The following MACROD2 variants were observed in gnomAD, a reference collection of about 807,000 sequenced individuals.
The protein encoded by MACROD2 is ADP-ribose glycohydrolase MACROD2.
Under a neutral mutation model 70.4 loss-of-function variants are expected in MACROD2, and 36 were observed. That is an observed-to-expected ratio of 0.51 (90% confidence interval 0.39 to 0.68). The LOEUF is 0.68. Among genes scored for constraint, MACROD2 ranks in the 30% least tolerant of loss-of-function variants. MACROD2 has a pLI of 0.00. For synonymous variants in MACROD2, 172 were observed against 178.8 expected (o/e 0.96, Z 0.30); for missense variants, 496 against 538.4 (o/e 0.92, Z 0.78).
rs1055073671 is a variant in MACROD2, at chr20:15,161,555, C to A, written c.419-68385C>A. On this transcript the variant is annotated intron_variant, in intron 5 of 17. Transcript: ENST00000684519. ...TCTAAGTGGGCTACTAGTAAATATA[C>A]AAAGAAGCTGTAATAAGCATATGGC... 2.6e-5 allele frequency among the ~76,000 whole-genome samples: 4 copies of A among 151,782 alleles called. No individual in the cohort carries two copies. The East Asian group carries it at 7.7e-4, about 29-fold the overall frequency.
chr20:15,721,605 T>C (rs2050788452), intron 8 of MACROD2, among the ~76,000 whole-genome samples: 1 of 152,206 alleles, frequency 6.6e-6, no homozygotes, highest in African/African-American at 2.4e-5. Context: ...TTTTCCTAAG[T>C]TAATGTAAAT....
intron 2 of MACROD2, among the ~76,000 whole-genome samples, chr20:14,010,728 C>T (rs1271727508): frequency 6.6e-6 from 1 of 151,964 alleles, no homozygotes; most frequent in Non-Finnish European, 1.5e-5. Context: ...CTGTTAATTC[C>T]TCTGGTGACC....
chr20:14,092,606 C>G (rs1040824760), intron 3 of MACROD2, among the ~76,000 whole-genome samples: 1 of 152,070 alleles, frequency 6.6e-6, no homozygotes, highest in Non-Finnish European at 1.5e-5. Context: ...GTATTATGCT[C>G]ATAGTACTAA....
At chr20:14,851,490 G>T (rs1033559975) in intron 5 of MACROD2, among the ~76,000 whole-genome samples, 1 of 152,128 alleles carries the variant, frequency 6.6e-6, no homozygotes, top group Non-Finnish European at 1.5e-5. Context: ...TGGTTTCCAT[G>T]GAGAGAGAAA....
intron 8 of MACROD2, among the ~76,000 whole-genome samples, chr20:15,844,377 C>T (rs571440814): frequency 6.6e-6 from 1 of 152,168 alleles, no homozygotes; most frequent in Non-Finnish European, 1.5e-5. Context: ...CCCCTGGGTC[C>T]CGGTAACTGC....
intron 5 of MACROD2, among the ~76,000 whole-genome samples, chr20:15,062,571 T>C (rs919746334): frequency 6.6e-6 from 1 of 152,186 alleles, no homozygotes; most frequent in African/African-American, 2.4e-5. Context: ...AAGGTTTTGC[T>C]GTGCTCCCGA....
chr20:14,802,217 A>G (rs2072585306), intron 5 of MACROD2, among the ~76,000 whole-genome samples: 2 of 152,146 alleles, frequency 1.3e-5, no homozygotes, highest in African/African-American at 2.4e-5. Context: ...TACTGTGCAA[A>G]CTGTTTCTAA....
At chr20:15,298,272 T>C (rs760396898) in intron 6 of MACROD2, among the ~76,000 whole-genome samples, 1 of 152,174 alleles carries the variant, frequency 6.6e-6, no homozygotes, top group African/African-American at 2.4e-5. Flanking sequence ...GCATGTAAAG[T>C]GTATCTCCCT....
chr20:15,222,077 A>G (rs2076866672), intron 5 of MACROD2, among the ~76,000 whole-genome samples: 1 of 152,204 alleles, frequency 6.6e-6, no homozygotes, highest in Non-Finnish European at 1.5e-5. Context: ...CACAAACTCA[A>G]AGGAAACTAG....
At chr20:15,380,019 C>CCTCTTGGGTCCT in intron 6 of MACROD2, among the ~76,000 whole-genome samples, 1 of 151,914 alleles carries the variant, frequency 6.6e-6, no homozygotes, top group South Asian at 2.1e-4. Flanking sequence ...CCTCTTGGGT[C>CCTCTTGGGTCCT]CTGTTGTTCC....
At chr20:15,622,558 A>T (rs904622463) in intron 8 of MACROD2, among the ~76,000 whole-genome samples, 27 of 152,300 alleles carry the variant, frequency 1.8e-4, no homozygotes, top group African/African-American at 6.3e-4. Flanking sequence ...GATACACTGG[A>T]CACAGGGACG....
chr20:15,266,927 C>T (rs931392324), intron 6 of MACROD2, among the ~76,000 whole-genome samples: 10 of 152,144 alleles, frequency 6.6e-5, no homozygotes, highest in East Asian at 5.8e-4. Flanking sequence ...AGGGCAGGGG[C>T]GCGGGGGGCA....
chr20:15,400,840 GAAAGCACTGACTAAGA>G (rs1420236498), intron 6 of MACROD2, among the ~76,000 whole-genome samples: 1 of 152,180 alleles, frequency 6.6e-6, no homozygotes, highest in African/African-American at 2.4e-5. Flanking sequence ...GGTTTTACCA[GAAAGCACTGACTAAGA>G]AAATGGAGAA....
At chr20:14,012,597 T>C (rs974590782) in intron 2 of MACROD2, among the ~76,000 whole-genome samples, 1 of 152,192 alleles carries the variant, frequency 6.6e-6, no homozygotes, top group African/African-American at 2.4e-5. Context: ...CTTCAGCTTT[T>C]TCTTTTAACG....
chr20:14,030,838 T>A (rs997705013), intron 2 of MACROD2, among the ~76,000 whole-genome samples: 14 of 152,226 alleles, frequency 9.2e-5, no homozygotes, highest in African/African-American at 3.4e-4. Context: ...TTCTGATCTT[T>A]CTGTTTAGTA....
intron 6 of MACROD2, among the ~76,000 whole-genome samples, chr20:15,359,395 A>T (rs1242958224): frequency 6.6e-6 from 1 of 151,994 alleles, no homozygotes; most frequent in Non-Finnish European, 1.5e-5. Flanking sequence ...ATTAAATAAT[A>T]CTCTGGCAGC....
chr20:14,490,568 G>C (rs2084783034), intron 3 of MACROD2, among the ~76,000 whole-genome samples: 2 of 152,052 alleles, frequency 1.3e-5, no homozygotes, highest in Admixed American at 1.3e-4. Context: ...AAATAGTCTT[G>C]CTTCATAAGC....
rs967594021 is a variant in MACROD2, at chr20:15,057,153, G to A, written c.419-172787G>A. On this transcript the variant is annotated intron_variant, in intron 5 of 17. Transcript: ENST00000684519. ...AGCTTTATATGATATCAATAATGAC[G>A]ATAAATTACATAGCCATGCTTTAAA... is the stretch of plus-strand genomic sequence containing the variant. Among the ~76,000 whole-genome samples the A allele has an allele frequency of 6.6e-5, 10 of 152,190 alleles. No homozygotes were observed. The East Asian group carries it at 1.5e-3, about 23-fold the overall frequency.
chr20:14,498,584 A>G (rs1447470051), intron 4 of MACROD2, among the ~76,000 whole-genome samples: 1 of 152,222 alleles, frequency 6.6e-6, no homozygotes, highest in African/African-American at 2.4e-5. Flanking sequence ...TTCTGCTGGC[A>G]TAGTCTTTTG....
Sources: gnomAD v4.1 joint callset for allele counts (sites outside exome capture counted in the v4.1 genomes callset) on GRCh38, gnomAD v4.1.1 for gene constraint, MANE v1.5 for transcripts, NCBI Gene and HGNC (gene_info 2026-07-23, HGNC 2026-07-21) for gene names.